GRM5: variants seen among roughly 807,000 people sequenced by gnomAD.
GRM5 encodes the protein metabotropic glutamate receptor 5.
In GRM5, 19 loss-of-function variants were observed where a neutral mutation model predicts 83.1. The observed-to-expected ratio is 0.23, with a 90% CI of 0.16 to 0.34. The LOEUF is 0.34. Among genes scored for constraint, GRM5 ranks in the 10% least tolerant of loss-of-function variants. The probability of loss-of-function intolerance (pLI) is 1.00; values close to 1 mark genes in which losing one functional copy is unlikely to be tolerated. For missense variants in GRM5, 1,160 were observed against 1,588.3 expected (o/e 0.73, Z 4.58); for synonymous variants, 675 against 633.6 (o/e 1.07, Z -0.98).
At chr11:88,816,676 T>C (rs1349041336) in intron 3 of GRM5, among the ~76,000 whole-genome samples, 1 of 125,556 alleles carries the variant, frequency 8.0e-6, no homozygotes, top group African/African-American at 3.1e-5. Flanking sequence ...ATTTAAAAAA[T>C]CAGTGAATCA....
At chr11:88,545,429 G>A (rs1942365832) in intron 8 of GRM5, among the ~76,000 whole-genome samples, 1 of 151,578 alleles carries the variant, frequency 6.6e-6, no homozygotes, top group Admixed American at 6.6e-5. Flanking sequence ...TTCTAATTTA[G>A]TCCTATTATT....
At chr11:88,795,570 A>G (rs1943261108) in intron 3 of GRM5, among the ~76,000 whole-genome samples, 2 of 152,230 alleles carry the variant, frequency 1.3e-5, no homozygotes, top group Non-Finnish European at 2.9e-5. Context: ...TAATAACAAT[A>G]ATACCTACAA....
chr11:88,604,740 C>G lies in GRM5; in HGVS notation c.1372G>C (p.Glu458Gln), dbSNP rs781327730. The change falls in exon 5 of 10, where the codon GAG (glutamate) becomes CAG (glutamine). Residue 458 changes from glutamate (E) to glutamine (Q), a missense_variant. By Grantham distance (29) the Glu-to-Gln change is conservative (BLOSUM62 2). Transcript: ENST00000305447. ...TACCTTCCTGGAGAGTCTCCATTCTCATCGAATAGGATCGTATCTCCAGAA... is the reference window on the plus strand; with the variant it reads ...TACCTTCCTGGAGAGTCTCCATTCTGATCGAATAGGATCGTATCTCCAGAA... ...GVSGDTILFD[E>Q]NGDSPGRYEI... is the part of the protein sequence containing the mutation. 5 of 1,612,262 alleles carry G rather than the reference C, an allele frequency of 3.1e-6. No homozygotes were observed. The highest frequency in any genetic ancestry group is 4.2e-6 in the Non-Finnish European group (5 of 1,178,376).
intron 1 of GRM5, among the ~76,000 whole-genome samples, chr11:89,064,914 G>GAGAGAC: frequency 1.6e-5 from 1 of 63,902 alleles, no homozygotes. Context: ...GTGTGTGTGT[G>GAGAGAC]TGAGAGAGAG....
At chr11:88,921,427 T>C (rs1260357221) in intron 2 of GRM5, among the ~76,000 whole-genome samples, 4 of 151,972 alleles carry the variant, frequency 2.6e-5, no homozygotes, top group African/African-American at 9.7e-5. Context: ...ATTGAGACCA[T>C]CCTGGCTAAC....
At chr11:88,782,102 T>C (rs1421046931) in intron 3 of GRM5, among the ~76,000 whole-genome samples, 4 of 152,206 alleles carry the variant, frequency 2.6e-5, no homozygotes, top group Admixed American at 2.0e-4. Context: ...AATATGTATA[T>C]TATTAAATCT....
chr11:89,058,318 T>C (rs1176403558), intron 1 of GRM5, among the ~76,000 whole-genome samples: 1 of 152,214 alleles, frequency 6.6e-6, no homozygotes, highest in East Asian at 1.9e-4. Context: ...GCGGATGTTG[T>C]CTGTGCACTG....
chr11:88,984,664 G>C, intron 2 of GRM5: 5 of 490,788 alleles, frequency 1.0e-5, no homozygotes, highest in Non-Finnish European at 1.1e-5. Context: ...CTTTAAACTT[G>C]TAAGACCTAT....
At chr11:88,637,876 T>C (rs1359036624) in intron 4 of GRM5, among the ~76,000 whole-genome samples, 3 of 150,408 alleles carry the variant, frequency 2.0e-5, no homozygotes, top group South Asian at 2.1e-4. Flanking sequence ...TGCGGCATTA[T>C]TCACAATAGC....
At chr11:88,581,939 C>G (rs1455196371) in intron 7 of GRM5, among the ~76,000 whole-genome samples, 2 of 152,148 alleles carry the variant, frequency 1.3e-5, no homozygotes, top group African/African-American at 4.8e-5. Flanking sequence ...TTTTCACATA[C>G]ATGAATTCCC....
intron 8 of GRM5, among the ~76,000 whole-genome samples, chr11:88,565,937 C>G (rs1942864782): frequency 6.6e-6 from 1 of 152,198 alleles, no homozygotes; most frequent in South Asian, 2.1e-4. Context: ...AGTATCTTTA[C>G]CATCATAATA....
At position 88,694,768 on chromosome 11, in the gene GRM5, T is replaced by C. The variant is rs895315077; in HGVS notation, c.912-41365A>G. 2.6e-5 allele frequency among the ~76,000 whole-genome samples: 4 copies of C among 152,164 alleles called. No individual in the cohort carries two copies. The East Asian group carries it at 5.8e-4, about 22-fold the overall frequency. ...TTATGGGTGTTTTTCTTTTATTATATAGATATGATTGCTTATGATTGCAGT... is the reference window on the plus strand; with the variant it reads ...TTATGGGTGTTTTTCTTTTATTATACAGATATGATTGCTTATGATTGCAGT... On this transcript the variant is annotated intron_variant, in intron 3 of 9. Coordinates refer to ENST00000305447, the MANE Select transcript of GRM5 (RefSeq NM_001143831.3).
At chr11:88,547,744 A>G (rs1169968069) in intron 8 of GRM5, among the ~76,000 whole-genome samples, 2 of 152,176 alleles carry the variant, frequency 1.3e-5, no homozygotes, top group Non-Finnish European at 2.9e-5. Context: ...CATCAGCTCA[A>G]TAACAAGCTG....
intron 3 of GRM5, among the ~76,000 whole-genome samples, chr11:88,683,887 T>C (rs1940556262): frequency 6.6e-6 from 1 of 152,166 alleles, no homozygotes; most frequent in East Asian, 1.9e-4. Context: ...AGATAGATAA[T>C]ATATTTAGAT....
At chr11:88,698,066 T>A (rs981677691) in intron 3 of GRM5, among the ~76,000 whole-genome samples, 3 of 152,184 alleles carry the variant, frequency 2.0e-5, no homozygotes, top group South Asian at 2.1e-4. Context: ...GACTCAAAAT[T>A]CTTTACTGTC....
Position 89,006,710 on chromosome 11 carries a change from T to C in GRM5, c.661+40502A>G, listed in dbSNP as rs185902540. On this transcript the variant is annotated intron_variant, in intron 2 of 9. Coordinates refer to ENST00000305447, the MANE Select transcript of GRM5 (RefSeq NM_001143831.3). Reference sequence around the variant, plus strand: ...CATGCCCCTTCCTGCTATTTGTATTTTGCATATTACCTTTACCTTGTCCTT... The same window carrying C: ...CATGCCCCTTCCTGCTATTTGTATTCTGCATATTACCTTTACCTTGTCCTT... Among the ~76,000 whole-genome samples, 3 of 152,354 alleles carry C rather than the reference T, an allele frequency of 2.0e-5. No homozygotes were observed. In the East Asian group the frequency reaches 5.8e-4, roughly 29 times the overall value.
chr11:88,695,905 A>T (rs1940890838), intron 3 of GRM5, among the ~76,000 whole-genome samples: 1 of 151,962 alleles, frequency 6.6e-6, no homozygotes, highest in Admixed American at 6.6e-5. Context: ...AGCGCCAGAA[A>T]CCTCAGTAGG....
At chr11:88,797,719 T>C (rs961684346) in intron 3 of GRM5, among the ~76,000 whole-genome samples, 2 of 152,084 alleles carry the variant, frequency 1.3e-5, no homozygotes, top group Non-Finnish European at 2.9e-5. Flanking sequence ...CAATATAGGA[T>C]CCTATTTTGG....
intron 3 of GRM5, among the ~76,000 whole-genome samples, chr11:88,810,282 T>G (rs1030904687): frequency 2.0e-5 from 3 of 152,084 alleles, no homozygotes; most frequent in Admixed American, 1.3e-4. Context: ...AGTAAAGCTT[T>G]GGTTAAAAAA....
Sources: gnomAD v4.1 joint callset for allele counts (sites outside exome capture counted in the v4.1 genomes callset) on GRCh38, gnomAD v4.1.1 for gene constraint, MANE v1.5 for transcripts, NCBI Gene and HGNC (gene_info 2026-07-23, HGNC 2026-07-21) for gene names.